The following CAMKMT variants were observed in gnomAD, a reference collection of about 807,000 sequenced individuals.
CAMKMT encodes the protein CaM KMT.
In CAMKMT, 53 loss-of-function variants were observed where a neutral mutation model predicts 48.0. The observed-to-expected ratio is 1.10, with a 90% confidence interval of 0.89 to 1.39. The LOEUF (loss-of-function observed/expected upper bound fraction) is 1.39. Ranked by LOEUF, CAMKMT falls within the 40% of genes most tolerant of loss-of-function variation. CAMKMT has a pLI of 0.00. For missense variants in CAMKMT, 428 were observed against 402.7 expected, an observed-to-expected ratio of 1.06 and a Z score of -0.54; for synonymous variants, 165 against 152.3, an observed-to-expected ratio of 1.08 and a Z score of -0.61.
chr2:44,602,658 G>A (rs945348318), intron 3 of CAMKMT, among the ~76,000 whole-genome samples: 6 of 152,156 alleles, frequency 3.9e-5, no homozygotes, highest in Admixed American at 3.9e-4. Context: ...AAGTGAAGGG[G>A]AAGCAAGCAC....
rs1553448702 is a variant in CAMKMT at position 44,768,377 on chromosome 2, T to TA, written c.894+1818dup. 9.5e-5 allele frequency among the ~76,000 whole-genome samples: 13 copies of TA among 137,050 alleles called. No homozygotes were observed. The East Asian group carries it at 1.0e-3, about 11-fold the overall frequency. 89.9% of individuals were successfully genotyped at this position (137,050 alleles called of 152,430 possible). A position where few individuals can be genotyped will look rare whatever the true frequency, so the allele number is the denominator to read the frequency against. On this transcript the variant is annotated intron_variant, in intron 10 of 10. Transcript: ENST00000378494. Reference sequence around the variant, plus strand: ...TATATATATATTTTTTTTTTTTTTTTAATAATGAGAGCTATTTCAGCTGGT... The same window carrying TA: ...TATATATATATTTTTTTTTTTTTTTTAAATAATGAGAGCTATTTCAGCTGGT...
chr2:44,605,466 A>G (rs546664493), intron 3 of CAMKMT, among the ~76,000 whole-genome samples: 2 of 152,282 alleles, frequency 1.3e-5, no homozygotes, highest in African/African-American at 4.8e-5. Flanking sequence ...ACACTGCATA[A>G]TATGTCTACC....
intron 3 of CAMKMT, among the ~76,000 whole-genome samples, chr2:44,630,142 C>A (rs574198472): frequency 1.3e-5 from 2 of 151,686 alleles, no homozygotes; most frequent in Non-Finnish European, 2.9e-5. Flanking sequence ...ATAAGCAATG[C>A]GGAAAGGATT....
chr2:44,615,819 G>A (rs1671858359), intron 3 of CAMKMT, among the ~76,000 whole-genome samples: 1 of 152,136 alleles, frequency 6.6e-6, no homozygotes, highest in African/African-American at 2.4e-5. Flanking sequence ...GCCTTTTAGT[G>A]GGCTCTGAAA....
At chr2:44,500,760 T>C (rs1226717349) in intron 3 of CAMKMT, among the ~76,000 whole-genome samples, 2 of 151,576 alleles carry the variant, frequency 1.3e-5, no homozygotes, top group Non-Finnish European at 2.9e-5. Context: ...CAGCTCACTG[T>C]AACCTTTGCC....
chr2:44,470,390 C>T (rs1164403269), intron 3 of CAMKMT, among the ~76,000 whole-genome samples: 1 of 152,160 alleles, frequency 6.6e-6, no homozygotes. Flanking sequence ...GTACTCTCAC[C>T]TGTGAGTTGG....
At chr2:44,649,505 C>T (rs2104030205) in intron 3 of CAMKMT, among the ~76,000 whole-genome samples, 1 of 152,168 alleles carries the variant, frequency 6.6e-6, no homozygotes, top group East Asian at 1.9e-4. Context: ...CCAGAGAAAG[C>T]ATCCTAAAGG....
At chr2:44,505,890 C>G (rs1023879930) in intron 3 of CAMKMT, among the ~76,000 whole-genome samples, 1 of 149,180 alleles carries the variant, frequency 6.7e-6, no homozygotes, top group Non-Finnish European at 1.5e-5. Flanking sequence ...TTATTTGAGA[C>G]AGAGTCTGGC....
chr2:44,667,490 T>C (rs1017185060), intron 3 of CAMKMT, among the ~76,000 whole-genome samples: 2 of 152,192 alleles, frequency 1.3e-5, no homozygotes, highest in East Asian at 1.9e-4. Context: ...CCGCTAATGT[T>C]TAAGACACTC....
rs116220748 is a variant in CAMKMT at position 44,381,727 on chromosome 2, A to G, written c.312-8514A>G. On this transcript the variant is annotated intron_variant, in intron 2 of 10. Coordinates refer to ENST00000378494, the MANE Select transcript of CAMKMT (RefSeq NM_024766.5). ...TAATTGGTGAATAACAAATTGCAAA[A>G]CAATATGGACAAGTGCTTTCAGTTC... Among the ~76,000 whole-genome samples the G allele has an allele frequency of 7.0e-3, 1,072 of 152,304 alleles. 15 individuals are homozygous for G. The highest frequency in any genetic ancestry group is 0.025 in the African/African-American group (1,030 of 41,562).
intron 3 of CAMKMT, among the ~76,000 whole-genome samples, chr2:44,685,822 C>G (rs777678755): frequency 3.9e-5 from 6 of 152,016 alleles, no homozygotes; most frequent in Non-Finnish European, 8.8e-5. Flanking sequence ...AATATTCTGC[C>G]CATTTCAACA....
At chr2:44,694,609 A>G (rs926599091) in intron 3 of CAMKMT, among the ~76,000 whole-genome samples, 2 of 152,146 alleles carry the variant, frequency 1.3e-5, no homozygotes, top group Admixed American at 6.5e-5. Context: ...CACTAACAAT[A>G]ACAACAACAA....
intron 3 of CAMKMT, among the ~76,000 whole-genome samples, chr2:44,548,818 G>T (rs1667544833): frequency 6.6e-6 from 1 of 152,144 alleles, no homozygotes; most frequent in South Asian, 2.1e-4. Flanking sequence ...AATTTTGCCA[G>T]GAAGAATGAG....
At chr2:44,497,861 G>A (rs1669830819) in intron 3 of CAMKMT, among the ~76,000 whole-genome samples, 1 of 152,096 alleles carries the variant, frequency 6.6e-6, no homozygotes, top group African/African-American at 2.4e-5. Flanking sequence ...GGGCATCGGG[G>A]CAGGGTGAAG....
intron 3 of CAMKMT, among the ~76,000 whole-genome samples, chr2:44,611,725 G>C (rs1263034979): frequency 6.6e-6 from 1 of 151,892 alleles, no homozygotes; most frequent in East Asian, 1.9e-4. Flanking sequence ...TGGTTGTGCA[G>C]GCTTTACAGG....
At position 44,382,045 on chromosome 2, in the gene CAMKMT, G is replaced by A. The variant is rs561112637; in HGVS notation, c.312-8196G>A. On this transcript the variant is annotated intron_variant, in intron 2 of 10. Coordinates refer to ENST00000378494, the MANE Select transcript of CAMKMT (RefSeq NM_024766.5). ...CAGCCTCTGTCTCCTGGGTTCAAGC[G>A]ATTCTCCTGCCTCAGCCTCCTGAGT... Among the ~76,000 whole-genome samples, 12 of 150,358 alleles carry A rather than the reference G, an allele frequency of 8.0e-5. No individual in the cohort carries two copies. The South Asian group carries it at 1.5e-3, about 19-fold the overall frequency.
intron 3 of CAMKMT, chr2:44,393,535 A>G (rs188754391): frequency 1.3e-5 from 2 of 152,334 alleles, no homozygotes; most frequent in African/African-American, 4.8e-5. Context: ...ATAGGTATGT[A>G]TATTTCATTA....
At chr2:44,453,146 G>T (rs569815786) in intron 3 of CAMKMT, among the ~76,000 whole-genome samples, 1 of 151,970 alleles carries the variant, frequency 6.6e-6, no homozygotes, top group African/African-American at 2.4e-5. Flanking sequence ...GGTGTGCCTT[G>T]TGTTGTAATT....
intron 3 of CAMKMT, among the ~76,000 whole-genome samples, chr2:44,683,536 C>T (rs186578647): frequency 1.1e-4 from 17 of 152,212 alleles, no homozygotes; most frequent in South Asian, 6.2e-4. Context: ...AAAACAGTAA[C>T]GAGGCAGGGC....
Sources: gnomAD v4.1 joint callset for allele counts (sites outside exome capture counted in the v4.1 genomes callset) on GRCh38, gnomAD v4.1.1 for gene constraint, MANE v1.5 for transcripts, NCBI Gene and HGNC (gene_info 2026-07-23, HGNC 2026-07-21) for gene names.